The following SEC31B variants were observed in gnomAD, a reference collection of about 807,000 sequenced individuals.
SEC31B encodes the protein protein transport protein Sec31B.
A neutral mutation model predicts 135.0 loss-of-function variants in SEC31B; 113 were observed. The observed-to-expected ratio is 0.84, with a 90% CI of 0.72 to 0.98. The LOEUF (loss-of-function observed/expected upper bound fraction) is 0.98, where lower values mean the gene tolerates loss of function less well. Among genes scored for constraint, SEC31B ranks in the 50% least tolerant of loss-of-function variants. The pLI is 0.00. For synonymous variants in SEC31B, 508 were observed against 549.4 expected (o/e 0.92, Z 1.05); for missense variants, 1,296 against 1,421.1 (o/e 0.91, Z 1.42).
chr10:100,490,914 A>G (rs774561085), intron 19 of SEC31B, 31 bp from the exon 20 acceptor site: 12 of 1,367,012 alleles, frequency 8.8e-6, no homozygotes, highest in Non-Finnish European at 1.2e-5. Context: ...CAGCTCTTGG[A>G]AAGGAAAGAG....
chr10:100,488,767 G>A (rs1000299461), intron 24 of SEC31B, 91 bp downstream of exon 24: 1 of 1,445,122 alleles, frequency 6.9e-7, no homozygotes, highest in Non-Finnish European at 9.2e-7. Context: ...GCAGTGAGAA[G>A]AGAGTCACAC....
At chr10:100,499,029 G>A in intron 13 of SEC31B, 131 bp downstream of exon 13, 1 of 753,364 alleles carries the variant, frequency 1.3e-6, no homozygotes, top group Non-Finnish European at 2.2e-6. Flanking sequence ...CTAAGAGAGT[G>A]AGGAGTCTGA....
rs547404864 is a variant in SEC31B, at chr10:100,504,687, C to T, written c.1179+674G>A. ...AATGTATCGTTACCAAAGTATAAGT[C>T]TGTGGGATTATAGAGAGAGGTTAAT... On this transcript the variant is annotated intron_variant, in intron 10 of 25. Coordinates refer to ENST00000370345, the MANE Select transcript of SEC31B (RefSeq NM_015490.4). 2.1e-4 allele frequency among the ~76,000 whole-genome samples: 32 copies of T among 151,976 alleles called. No homozygotes were observed. In the South Asian group the frequency reaches 6.7e-3, roughly 32 times the overall value.
intron 1 of SEC31B, 50 bp from the exon 2 acceptor site, chr10:100,517,047 C>T (rs535620555): frequency 8.0e-6 from 7 of 880,450 alleles, no homozygotes; most frequent in Non-Finnish European, 1.3e-5. Context: ...GGAGCATCTG[C>T]GGACAAGAGT....
Position 100,509,316 on chromosome 10 carries a change from C to T in SEC31B, c.399G>A (p.Gln133=). 6.2e-7 allele frequency: 1 copy of T among 1,613,050 alleles called. No homozygotes were observed. The highest frequency in any genetic ancestry group is 8.5e-7 in the Non-Finnish European group (1 of 1,179,676). ...AVRALDLNPF[Q]GNLLASGASD... ...TGTTTGACTAACTGAAATGTAGTACCTGGAAAGGATTCAAGTCGAGGGCTC... is the reference window on the plus strand; with the variant it reads ...TGTTTGACTAACTGAAATGTAGTACTTGGAAAGGATTCAAGTCGAGGGCTC... Residue 133 remains glutamine, a splice_region_variant and synonymous_variant, in exon 4 of 26, where the codon CAG becomes CAA. Coordinates refer to ENST00000370345, the MANE Select transcript of SEC31B (RefSeq NM_015490.4).
At chr10:100,519,621 T>C (rs1428220010) in intron 1 of SEC31B, among the ~76,000 whole-genome samples, 161 bp downstream of exon 1, 3 of 152,178 alleles carry the variant, frequency 2.0e-5, no homozygotes, top group Non-Finnish European at 4.4e-5. Context: ...GTAGACGTAG[T>C]GGAGGCCCCC....
rs767865962 is a variant in SEC31B, at chr10:100,487,745, A to C, written c.3411T>G (p.Asp1137Glu). ...AGLHEVARCVDAGSFEQGLAV... is the reference protein window; with the variant it reads ...AGLHEVARCVEAGSFEQGLAV... ...CAAGGCCCTGCTCAAAGCTTCCTGCATCCACACATCGGGCAACCTCATGGA... is the reference window on the plus strand; with the variant it reads ...CAAGGCCCTGCTCAAAGCTTCCTGCCTCCACACATCGGGCAACCTCATGGA... Residue 1137 changes from aspartate to glutamate, a missense_variant, in exon 26 of 26, where the codon GAT becomes GAG. Asp to Glu is a conservative substitution (Grantham distance 45). Transcript: ENST00000370345. The C allele has an allele frequency of 1.2e-6, 2 of 1,614,078 alleles. No individual in the cohort carries two copies. Among genetic ancestry groups the C allele is most frequent in the East Asian group, 4.5e-5 (2 of 44,878 alleles).
At chr10:100,499,104 C>T in intron 13 of SEC31B, 56 bp downstream of exon 13, 1 of 1,447,188 alleles carries the variant, frequency 6.9e-7, no homozygotes, top group South Asian at 1.2e-5. Flanking sequence ...GAAAGATGCC[C>T]AAAAGGCAGG....
intron 1 of SEC31B, among the ~76,000 whole-genome samples, chr10:100,517,517 A>G (rs1472195947): frequency 6.6e-6 from 1 of 152,206 alleles, no homozygotes; most frequent in Non-Finnish European, 1.5e-5. Context: ...ATGTGCCACC[A>G]TGCCTGGCTA....
At position 100,506,306 on chromosome 10, in the gene SEC31B, G is replaced by A; in HGVS notation, c.882+15C>T. 6.2e-7 allele frequency: 1 copy of A among 1,614,114 alleles called. No homozygotes were observed. Among genetic ancestry groups the A allele is most frequent in the Non-Finnish European group, 8.5e-7 (1 of 1,179,998 alleles). ...TCTCTCCCATCCCAGCATGCCCACAGAAGGGCCAGCCTACCTCACTGCTCC... is the reference window on the plus strand; with the variant it reads ...TCTCTCCCATCCCAGCATGCCCACAAAAGGGCCAGCCTACCTCACTGCTCC... On this transcript the variant is annotated intron_variant, in intron 8 of 25. Transcript: ENST00000370345.
rs1394905201 is a variant in SEC31B, at chr10:100,490,754, C to T, written c.2602G>A (p.Gly868Arg). ...TQNISDYRAP[G>R]PQAIQPLPLS... is the part of the protein sequence containing the mutation. ...GGCAAAGGCTGGATGGCCTGGGGCC[C>T]AGGTGCCCTGTAGTCACTTATATTC... Residue 868 changes from glycine (G) to arginine (R), a missense_variant, in exon 20 of 26, where the codon GGG (glycine) becomes AGG (arginine). Transcript: ENST00000370345. 1 of 1,605,900 alleles carries T rather than the reference C, an allele frequency of 6.2e-7. No homozygotes were observed. Among genetic ancestry groups the T allele is most frequent in the African/African-American group, 1.3e-5 (1 of 74,760 alleles).
intron 1 of SEC31B, among the ~76,000 whole-genome samples, chr10:100,519,449 C>T (rs1206683093): frequency 2.6e-5 from 4 of 152,364 alleles, no homozygotes; most frequent in African/African-American, 9.6e-5. Context: ...CAATGACAGA[C>T]CTTCCCGCCC....
chr10:100,515,692 C>T (rs1185436899), intron 3 of SEC31B, among the ~76,000 whole-genome samples: 1 of 152,192 alleles, frequency 6.6e-6, no homozygotes, highest in Non-Finnish European at 1.5e-5. Flanking sequence ...TCCATGAGAA[C>T]CAATCAGTGT....
At chr10:100,498,888 C>A in intron 13 of SEC31B, 84 bp from the exon 14 acceptor site, 1 of 1,087,484 alleles carries the variant, frequency 9.2e-7, no homozygotes. Flanking sequence ...GAGAGCTCTA[C>A]TATTTGGCCG....
chr10:100,497,585 C>A (rs933449037), intron 16 of SEC31B, 82 bp downstream of exon 16: 1 of 1,603,618 alleles, frequency 6.2e-7, no homozygotes, highest in African/African-American at 1.3e-5. Context: ...TCAGTCTGCT[C>A]CTCCACCTCC....
chr10:100,489,541 G>A, intron 22 of SEC31B, 143 bp from the exon 23 acceptor site: 1 of 1,347,682 alleles, frequency 7.4e-7, no homozygotes, highest in Non-Finnish European at 1.0e-6. Flanking sequence ...GTGTATGTGT[G>A]TAAGAGGGAA....
intron 23 of SEC31B, 115 bp from the exon 24 acceptor site, chr10:100,489,089 TGGG>T: frequency 1.3e-6 from 2 of 1,483,966 alleles, no homozygotes; most frequent in Non-Finnish European, 1.8e-6. Context: ...ACAGCAGAGT[TGGG>T]GAGATGAGCA....
rs776257814 is a variant in SEC31B, at chr10:100,509,337, G to A, written c.378C>T (p.Ala126=). Residue 126 remains alanine, a synonymous_variant, in exon 4 of 26, where the codon GCC becomes GCT. Coordinates refer to ENST00000370345, the MANE Select transcript of SEC31B (RefSeq NM_015490.4). The stretch of plus-strand genomic sequence containing the variant: ...GTACCTGGAAAGGATTCAAGTCGAG[G>A]GCTCTGACAGCCCCCGTGTGCTTCT... ...QKQKHTGAVR[A]LDLNPFQGNL... is the part of the protein sequence containing the mutation. 98 of 1,613,534 alleles carry A rather than the reference G, an allele frequency of 6.1e-5. No individual in the cohort carries two copies. The highest frequency in any genetic ancestry group is 8.1e-5 in the Non-Finnish European group (95 of 1,179,994).
chr10:100,517,535 T>C (rs1237998220), intron 1 of SEC31B, among the ~76,000 whole-genome samples: 12 of 152,304 alleles, frequency 7.9e-5, no homozygotes, highest in African/African-American at 2.4e-4. Flanking sequence ...CTAATTTTTG[T>C]ATTTTTAGTA....
Sources: gnomAD v4.1 joint callset for allele counts (sites outside exome capture counted in the v4.1 genomes callset) on GRCh38, gnomAD v4.1.1 for gene constraint, MANE v1.5 for transcripts, NCBI Gene and HGNC (gene_info 2026-07-23, HGNC 2026-07-21) for gene names.